The following CARNMT1 variants were observed in gnomAD, a reference collection of about 807,000 sequenced individuals.
The protein encoded by CARNMT1 is carnosine N-methyltransferase 1.
Under a neutral mutation model 49.6 loss-of-function variants are expected in CARNMT1, and 28 were observed. That is an observed-to-expected ratio of 0.56 (90% CI 0.42 to 0.77). The LOEUF (loss-of-function observed/expected upper bound fraction) is 0.77, where lower values mean the gene tolerates loss of function less well. Ranked by LOEUF, CARNMT1 falls within the 30% of genes least tolerant of loss-of-function variation. The pLI, the probability that CARNMT1 is intolerant of heterozygous loss-of-function variation, is 0.00. For synonymous variants in CARNMT1, 178 were observed against 175.0 expected (o/e 1.02, Z -0.13); for missense variants, 421 against 512.6 (o/e 0.82, Z 1.73).
intron 6 of CARNMT1, among the ~76,000 whole-genome samples, chr9:74,992,160 T>A (rs961923084): frequency 2.0e-5 from 3 of 151,650 alleles, no homozygotes; most frequent in East Asian, 3.9e-4. Flanking sequence ...TAACCCCAGC[T>A]ACTTGAGAGG....
chr9:74,985,906 T>C (rs1272501198), intron 6 of CARNMT1, among the ~76,000 whole-genome samples: 1 of 152,190 alleles, frequency 6.6e-6, no homozygotes, highest in Non-Finnish European at 1.5e-5. Flanking sequence ...TGTGAGATAA[T>C]ATGTATTACA....
chr9:75,028,303 G>A (rs1432157817), upstream of CARNMT1: 23 of 1,332,252 alleles, frequency 1.7e-5, no homozygotes, highest in Non-Finnish European at 2.0e-5. Flanking sequence ...CGTGGTGGCG[G>A]CTGCTTGGCC....
At chr9:75,018,798 T>A (rs1334115919) in intron 1 of CARNMT1, among the ~76,000 whole-genome samples, 2 of 151,944 alleles carry the variant, frequency 1.3e-5, no homozygotes, top group East Asian at 1.9e-4. Context: ...TGAAACCCCA[T>A]CTCTACTAAA....
At chr9:75,006,050 C>T (rs553965337) in intron 3 of CARNMT1, among the ~76,000 whole-genome samples, 3 of 151,802 alleles carry the variant, frequency 2.0e-5, no homozygotes, top group Admixed American at 2.0e-4. Flanking sequence ...AATTAATGAC[C>T]CTTTTCTTCC....
intron 3 of CARNMT1, among the ~76,000 whole-genome samples, chr9:75,006,506 T>C (rs1057056658): frequency 6.6e-6 from 1 of 152,158 alleles, no homozygotes; most frequent in African/African-American, 2.4e-5. Context: ...CTAAATCAAG[T>C]AAGTAAAACA....
intron 3 of CARNMT1, among the ~76,000 whole-genome samples, chr9:75,014,924 TTC>T (rs1318034494): frequency 6.6e-6 from 1 of 152,098 alleles, no homozygotes; most frequent in Non-Finnish European, 1.5e-5. Context: ...GTATTGAAAT[TTC>T]TGAAAGCAAA....
intron 3 of CARNMT1, 24 bp from the exon 4 acceptor site, chr9:74,999,894 G>A (rs773353049): frequency 1.3e-6 from 2 of 1,563,538 alleles, no homozygotes; most frequent in East Asian, 4.5e-5. Flanking sequence ...AGGCAATTAT[G>A]TCCAACCCCT....
At chr9:75,026,387 G>C (rs1201215177) in intron 1 of CARNMT1, among the ~76,000 whole-genome samples, 1 of 151,946 alleles carries the variant, frequency 6.6e-6, no homozygotes, top group Non-Finnish European at 1.5e-5. Context: ...TAACTAAATG[G>C]GTCCACCATA....
Position 74,999,769 on chromosome 9 carries a change from C to T in CARNMT1, c.692G>A (p.Ser231Asn). The T allele has an allele frequency of 6.2e-7, 1 of 1,612,546 alleles. No individual in the cohort carries two copies. The highest frequency in any genetic ancestry group is 8.5e-7 in the Non-Finnish European group (1 of 1,179,200). ...LGYACQGNEW[S>N]FFMLFSSNFV... Reference sequence around the variant, plus strand: ...GTTGGAAGAAAAGAGCATAAAAAAACTCCATTCATTTCCTTGACAAGCATA... The same window carrying T: ...GTTGGAAGAAAAGAGCATAAAAAAATTCCATTCATTTCCTTGACAAGCATA... Residue 231 changes from serine to asparagine, a missense_variant, in exon 4 of 8, where the codon AGT becomes AAT. Around this residue, in one of 2 missense-constraint regions of CARNMT1, gnomAD observed 235 missense variants for 344.8 expected, o/e 0.68. Transcript: ENST00000376834.
At chr9:75,028,390 T>C (rs1252054545), upstream of CARNMT1, 18 of 1,295,660 alleles carry the variant, frequency 1.4e-5, no homozygotes, top group Non-Finnish European at 2.9e-6. Context: ...CAGGCCTCCA[T>C]CCGCGCTGGG....
intron 3 of CARNMT1, among the ~76,000 whole-genome samples, chr9:75,010,820 G>GGAGAATGGTGGA (rs1184908355): frequency 2.6e-5 from 4 of 151,946 alleles, no homozygotes; most frequent in Non-Finnish European, 5.9e-5. Flanking sequence ...AGAATGGTGG[G>GGAGAATGGTGGA]GAGAATGGGG....
intron 1 of CARNMT1, among the ~76,000 whole-genome samples, chr9:75,021,354 C>T (rs1822351138): frequency 6.9e-6 from 1 of 144,424 alleles, no homozygotes; most frequent in Non-Finnish European, 1.5e-5. Context: ...ACTATACATA[C>T]CATATATATT....
intron 3 of CARNMT1, among the ~76,000 whole-genome samples, chr9:75,013,970 C>CA (rs1262711370): frequency 1.6e-4 from 10 of 62,270 alleles, no homozygotes; most frequent in South Asian, 1.1e-3. Context: ...CACTTTGTGT[C>CA]AAAAAAAAGA....
At chr9:75,024,923 G>A (rs1368020919) in intron 1 of CARNMT1, among the ~76,000 whole-genome samples, 2 of 151,844 alleles carry the variant, frequency 1.3e-5, no homozygotes, top group East Asian at 1.9e-4. Flanking sequence ...TGACAGATAT[G>A]TTGTATGTTA....
chr9:75,023,148 A>G (rs545077535), intron 1 of CARNMT1, among the ~76,000 whole-genome samples: 17 of 151,838 alleles, frequency 1.1e-4, no homozygotes, highest in Admixed American at 5.3e-4. Flanking sequence ...AAAAAAAAAA[A>G]AAAAAGAAAA....
rs1832727028 is a variant in CARNMT1, at chr9:74,983,063, T to A, written c.*704A>T. On this transcript the variant is annotated 3_prime_UTR_variant, in exon 8 of 8. Coordinates refer to ENST00000376834, the MANE Select transcript of CARNMT1 (RefSeq NM_152420.3). ...TTCATCTGAGCCAGAAAATACAAAA[T>A]TAAATTAATCTGAATGATAAAATAG... 1 of 152,046 alleles carries A rather than the reference T, an allele frequency of 6.6e-6. No individual in the cohort carries two copies. The highest frequency in any genetic ancestry group is 2.1e-4 in the South Asian group (1 of 4,820). The allele number at this position is 152,046 out of a possible 1,614,324, so 9.4% of individuals were successfully genotyped here. A position where few individuals can be genotyped will look rare whatever the true frequency, so the allele number is the denominator to read the frequency against.
chr9:75,018,693 C>A (rs769478571), intron 1 of CARNMT1, among the ~76,000 whole-genome samples: 17 of 152,268 alleles, frequency 1.1e-4, no homozygotes, highest in Middle Eastern at 3.4e-3. Context: ...CAGGTGGGCG[C>A]AGTGGCTCAT....
intron 3 of CARNMT1, among the ~76,000 whole-genome samples, chr9:75,011,847 A>G (rs1833699061): frequency 6.6e-6 from 1 of 152,204 alleles, no homozygotes; most frequent in African/African-American, 2.4e-5. Flanking sequence ...CTACAGCCAC[A>G]GTGAAAACAA....
At chr9:75,006,087 T>C (rs1587278862) in intron 3 of CARNMT1, among the ~76,000 whole-genome samples, 1 of 151,926 alleles carries the variant, frequency 6.6e-6, no homozygotes, top group Non-Finnish European at 1.5e-5. Flanking sequence ...TGACAGAGTC[T>C]CCAGCTCAGG....
Sources: gnomAD v4.1 joint callset for allele counts (sites outside exome capture counted in the v4.1 genomes callset) on GRCh38, gnomAD v4.1.1 for gene constraint, gnomAD v4.1.1 regional missense constraint, MANE v1.5 for transcripts, NCBI Gene and HGNC (gene_info 2026-07-23, HGNC 2026-07-21) for gene names.